ADGRE1: variants seen among roughly 807,000 people sequenced by gnomAD.
The protein encoded by ADGRE1 is adhesion G protein-coupled receptor E1.
ADGRE1 carries 82 observed loss-of-function variants against 102.7 expected under a neutral mutation model. That is an observed-to-expected ratio of 0.80 (90% CI 0.67 to 0.96). ADGRE1 has a LOEUF of 0.96. Among genes scored for constraint, ADGRE1 ranks in the 40% least tolerant of loss-of-function variants. The pLI, the probability that ADGRE1 is intolerant of heterozygous loss-of-function variation, is 0.00. For synonymous variants in ADGRE1, 398 were observed against 399.6 expected (o/e 1.00, Z 0.05); for missense variants, 1,032 against 1,085.3 (o/e 0.95, Z 0.69).
At chr19:6,922,901 C>T (rs1974730603) in intron 14 of ADGRE1, among the ~76,000 whole-genome samples, 1 of 151,948 alleles carries the variant, frequency 6.6e-6, no homozygotes, top group African/African-American at 2.4e-5. Context: ...CACGGTGAAA[C>T]CCCATCTCTA....
At chr19:6,915,983 T>C (rs1484357136) in intron 11 of ADGRE1, among the ~76,000 whole-genome samples, 1 of 149,004 alleles carries the variant, frequency 6.7e-6, no homozygotes, top group Admixed American at 6.7e-5. Flanking sequence ...CTTCCATCAC[T>C]GTTGACTTTG....
chr19:6,933,862 GC>G (rs1445947550), intron 17 of ADGRE1, among the ~76,000 whole-genome samples: 128 of 152,222 alleles, frequency 8.4e-4, no homozygotes, highest in African/African-American at 3.1e-3. Context: ...GGGTGAACAG[GC>G]CCTGCGCCAG....
chr19:6,899,819 G>A (rs1338669044), intron 5 of ADGRE1, among the ~76,000 whole-genome samples: 2 of 152,042 alleles, frequency 1.3e-5, no homozygotes, highest in Admixed American at 6.5e-5. Flanking sequence ...TCAGCCGGGC[G>A]CAGTGGCTCC....
At chr19:6,896,630 C>A (rs1973561100) in intron 3 of ADGRE1, 89 bp downstream of exon 3, 1 of 1,443,992 alleles carries the variant, frequency 6.9e-7, no homozygotes, top group Non-Finnish European at 9.3e-7. Context: ...ACTCCCCCAC[C>A]CCCCATTTTT....
At chr19:6,897,325 G>C in intron 4 of ADGRE1, 21 bp downstream of exon 4, 1 of 1,613,866 alleles carries the variant, frequency 6.2e-7, no homozygotes, top group Non-Finnish European at 8.5e-7. Flanking sequence ...CAGGTTCCCA[G>C]GGATGGGTCT....
intron 13 of ADGRE1, among the ~76,000 whole-genome samples, chr19:6,921,418 TCACA>T (rs139094000): frequency 6.6e-6 from 1 of 151,046 alleles, no homozygotes; most frequent in African/African-American, 2.4e-5. Flanking sequence ...TGAGACTCTG[TCACA>T]CACACACACA....
At position 6,903,848 on chromosome 19, in the gene ADGRE1, A is replaced by G; in HGVS notation, c.700A>G (p.Thr234Ala). ...ECTEMCPINS[T>A]CTNTPGSYFC... ...CACTGAAATGTGCCCCATCAATTCA[A>G]CATGCACCAACACTCCTGGGAGCTA... The change falls in exon 7 of 21, where the codon ACA (threonine) becomes GCA (alanine). Residue 234 changes from threonine (T) to alanine (A), a missense_variant. Coordinates refer to ENST00000312053, the MANE Select transcript of ADGRE1 (RefSeq NM_001974.5). 6.2e-7 allele frequency: 1 copy of G among 1,614,208 alleles called. No individual in the cohort carries two copies. The highest frequency in any genetic ancestry group is 1.1e-5 in the South Asian group (1 of 91,090).
intron 13 of ADGRE1, among the ~76,000 whole-genome samples, chr19:6,920,516 CTTTT>C (rs3053967): frequency 0.017 from 1,322 of 75,752 alleles, 75 homozygotes; most frequent in African/African-American, 0.052. Context: ...ACCATGCCCG[CTTTT>C]TTTTTTTTTT....
At position 6,921,831 on chromosome 19, in the gene ADGRE1, G is replaced by A; in HGVS notation, c.1739G>A (p.Ser580Asn). The change falls in exon 14 of 21, where the codon AGC becomes AAC. Residue 580 changes from serine to asparagine, a missense_variant. Physicochemically the swap from Ser to Asn is conservative, Grantham distance 46. Coordinates refer to ENST00000312053, the MANE Select transcript of ADGRE1 (RefSeq NM_001974.5). ...LEASETYTIC[S>N]CNQMANLAVI... Reference sequence around the variant, plus strand: ...GCTTCTGAGACATATACCATCTGCAGCTGTAATCAGATGGCAAATCTTGCC... The same window carrying A: ...GCTTCTGAGACATATACCATCTGCAACTGTAATCAGATGGCAAATCTTGCC... 3.7e-6 allele frequency: 6 copies of A among 1,614,166 alleles called. No individual in the cohort carries two copies. Among genetic ancestry groups the A allele is most frequent in the Non-Finnish European group, 5.1e-6 (6 of 1,180,016 alleles).
In ADGRE1 at chr19:6,897,539, C is replaced by G; in HGVS notation, c.506C>G (p.Thr169Ser). ...CQVGFISRNSTCEDVDECADP... is the reference protein window; with the variant it reads ...CQVGFISRNSSCEDVDECADP... ...GTTGGATTCATCTCTAGAAACTCCA[C>G]CTGTGAAGGTATCCATGACCATCTC... Residue 169 changes from threonine (T) to serine (S), a missense_variant, in exon 5 of 21, where the codon ACC (threonine) becomes AGC (serine). Thr to Ser is a moderately conservative substitution (Grantham distance 58). Coordinates refer to ENST00000312053, the MANE Select transcript of ADGRE1 (RefSeq NM_001974.5). 1 of 1,562,410 alleles carries G rather than the reference C, an allele frequency of 6.4e-7. No individual in the cohort carries two copies. Among genetic ancestry groups the G allele is most frequent in the Non-Finnish European group, 8.6e-7 (1 of 1,160,584 alleles).
intron 2 of ADGRE1, among the ~76,000 whole-genome samples, chr19:6,893,184 C>T (rs770671513): frequency 6.6e-6 from 1 of 152,072 alleles, no homozygotes; most frequent in Non-Finnish European, 1.5e-5. Context: ...GGATTTCATT[C>T]TTTCTTTCTT....
chr19:6,936,218 C>T (rs570052353), intron 18 of ADGRE1, among the ~76,000 whole-genome samples: 3 of 152,154 alleles, frequency 2.0e-5, no homozygotes, highest in South Asian at 2.1e-4. Flanking sequence ...AGGTGGATCA[C>T]GAGGTCAGGA....
chr19:6,897,307 A>G lies in ADGRE1; in HGVS notation c.394+3A>G, dbSNP rs760621530. The G allele has an allele frequency of 8.7e-6, 14 of 1,613,694 alleles. No individual in the cohort carries two copies. The highest frequency in any genetic ancestry group is 8.0e-5 in the African/African-American group (6 of 74,814). ...GCCGGGCAATTTCTCCTGTACTGGT[A>G]ATGCTCTCAGGTTCCCAGGGATGGG... On this transcript the variant is annotated splice_donor_region_variant and intron_variant, in intron 4 of 20. Transcript: ENST00000312053.
At chr19:6,893,259 G>A (rs534650941) in intron 2 of ADGRE1, among the ~76,000 whole-genome samples, 4 of 152,006 alleles carry the variant, frequency 2.6e-5, no homozygotes, top group African/African-American at 7.2e-5. Context: ...GTGCAATGGC[G>A]CAATCTTGGG....
chr19:6,908,370 C>G (rs956479664), intron 9 of ADGRE1, among the ~76,000 whole-genome samples: 5 of 152,228 alleles, frequency 3.3e-5, no homozygotes, highest in Non-Finnish European at 7.3e-5. Flanking sequence ...CACTTCACAC[C>G]TCTATATTCC....
chr19:6,925,728 G>T (rs1364806784), intron 15 of ADGRE1, among the ~76,000 whole-genome samples: 5 of 151,048 alleles, frequency 3.3e-5, no homozygotes, highest in African/African-American at 1.2e-4. Context: ...TTGAGACAGG[G>T]TCTTGCTATG....
intron 8 of ADGRE1, among the ~76,000 whole-genome samples, chr19:6,904,491 T>C (rs577790065): frequency 1.1e-4 from 17 of 151,958 alleles, no homozygotes; most frequent in African/African-American, 4.1e-4. Flanking sequence ...AATTATTTAA[T>C]TATAACTATG....
At chr19:6,891,857 G>A (rs1056127678) in intron 2 of ADGRE1, among the ~76,000 whole-genome samples, 13 of 152,218 alleles carry the variant, frequency 8.5e-5, no homozygotes, top group African/African-American at 3.1e-4. Context: ...TGTTACCCAG[G>A]CAAAGGGGCA....
Position 6,937,532 on chromosome 19 carries a change from C to T in ADGRE1, c.2551-12C>T, listed in dbSNP as rs1019517761. On this transcript the variant is annotated splice_polypyrimidine_tract_variant and intron_variant, in intron 19 of 20. Transcript: ENST00000312053. ...ATTTCCCTGCATCTGGATGATGTGT[C>T]TCCTTCTCCAGGTACGAGAAGAATA... 4 of 1,604,822 alleles carry T rather than the reference C, an allele frequency of 2.5e-6. No individual in the cohort carries two copies. Among genetic ancestry groups the T allele is most frequent in the Non-Finnish European group, 3.4e-6 (4 of 1,175,524 alleles).
Sources: allele counts gnomAD v4.1 joint callset (sites outside exome capture counted in the v4.1 genomes callset), GRCh38; gene constraint gnomAD v4.1.1; transcripts MANE v1.5; gene names NCBI Gene and HGNC (gene_info 2026-07-23, HGNC 2026-07-21).